The following PRKG1 variants were observed in gnomAD, a reference collection of about 807,000 sequenced individuals.
The protein encoded by PRKG1 is protein kinase cGMP-dependent 1.
In PRKG1, 35 loss-of-function variants were observed where a neutral mutation model predicts 88.1. The observed-to-expected ratio is 0.40, with a 90% CI of 0.30 to 0.53. The LOEUF (loss-of-function observed/expected upper bound fraction) is 0.53. Ranked by LOEUF, PRKG1 falls within the 20% of genes least tolerant of loss-of-function variation. The probability of loss-of-function intolerance (pLI) is 0.59; values close to 1 mark genes in which losing one functional copy is unlikely to be tolerated. For missense variants in PRKG1, 540 were observed against 839.8 expected (o/e 0.64, Z 4.41); for synonymous variants, 303 against 292.5 (o/e 1.04, Z -0.37).
intron 5 of PRKG1, among the ~76,000 whole-genome samples, chr10:52,036,946 C>T (rs1259762713): frequency 6.6e-6 from 1 of 152,260 alleles, no homozygotes; most frequent in African/African-American, 2.4e-5. Flanking sequence ...AGGGGACGGG[C>T]TTACCTTCCA....
intron 4 of PRKG1, among the ~76,000 whole-genome samples, chr10:51,892,145 A>T (rs1008799336): frequency 1.3e-5 from 2 of 152,178 alleles, no homozygotes; most frequent in African/African-American, 2.4e-5. Flanking sequence ...ACGTTAATAG[A>T]TATTCCCGAA....
intron 8 of PRKG1, among the ~76,000 whole-genome samples, chr10:52,146,104 C>T (rs557403369): frequency 1.3e-5 from 2 of 152,234 alleles, no homozygotes; most frequent in Non-Finnish European, 2.9e-5. Context: ...GACAAGAAAC[C>T]CACTTGGGCT....
intron 7 of PRKG1, among the ~76,000 whole-genome samples, chr10:52,114,969 A>T (rs1416801668): frequency 2.0e-5 from 3 of 152,116 alleles, no homozygotes; most frequent in African/African-American, 7.2e-5. Flanking sequence ...CAAATGTCTC[A>T]TATCTGTCCA....
At chr10:51,751,884 G>A (rs776843315) in intron 3 of PRKG1, among the ~76,000 whole-genome samples, 38 of 151,710 alleles carry the variant, frequency 2.5e-4, no homozygotes, top group Non-Finnish European at 5.0e-4. Flanking sequence ...TATTTGTTGC[G>A]TAAAGTAATA....
intron 1 of PRKG1, among the ~76,000 whole-genome samples, chr10:51,079,873 C>T (rs1239836818): frequency 6.6e-6 from 1 of 152,112 alleles, no homozygotes; most frequent in Non-Finnish European, 1.5e-5. Context: ...TTAAAGAAAC[C>T]AAGTTCCAAG....
intron 3 of PRKG1, among the ~76,000 whole-genome samples, chr10:51,489,802 G>GA (rs1840658513): frequency 1.3e-5 from 2 of 152,062 alleles, no homozygotes; most frequent in Admixed American, 1.3e-4. Context: ...TAATTCAGGT[G>GA]AAAATAATAG....
chr10:51,718,663 C>T (rs957775802), intron 3 of PRKG1, among the ~76,000 whole-genome samples: 3 of 152,088 alleles, frequency 2.0e-5, no homozygotes, highest in Non-Finnish European at 4.4e-5. Context: ...ATCTTTCTTA[C>T]AGATAAACTC....
At chr10:51,665,834 G>A (rs940760911) in intron 3 of PRKG1, among the ~76,000 whole-genome samples, 2 of 151,852 alleles carry the variant, frequency 1.3e-5, no homozygotes, top group African/African-American at 2.4e-5. Context: ...CGACCTCAAC[G>A]GATTTTTATT....
intron 5 of PRKG1, among the ~76,000 whole-genome samples, chr10:52,029,495 T>G (rs1490452189): frequency 1.3e-5 from 2 of 152,194 alleles, no homozygotes; most frequent in Admixed American, 1.3e-4. Flanking sequence ...GAGATGTCCC[T>G]TTAAGAGGTG....
At chr10:51,639,627 A>G (rs1276666629) in intron 3 of PRKG1, among the ~76,000 whole-genome samples, 1 of 151,358 alleles carries the variant, frequency 6.6e-6, no homozygotes, top group Non-Finnish European at 1.5e-5. Flanking sequence ...AAGAATAAAT[A>G]AATTACTTGT....
intron 3 of PRKG1, among the ~76,000 whole-genome samples, chr10:51,755,163 A>C (rs55981767): frequency 0.38 from 58,156 of 151,896 alleles, 11,801 homozygotes; most frequent in Middle Eastern, 0.54. Context: ...GATCATTCTG[A>C]CTCTGAAATT....
At chr10:52,101,149 T>A (rs1847284210) in intron 7 of PRKG1, among the ~76,000 whole-genome samples, 1 of 152,138 alleles carries the variant, frequency 6.6e-6, no homozygotes, top group African/African-American at 2.4e-5. Context: ...TTATAATACT[T>A]CTGAAAAAAA....
intron 3 of PRKG1, among the ~76,000 whole-genome samples, chr10:51,769,219 G>A (rs912358111): frequency 6.6e-6 from 1 of 152,130 alleles, no homozygotes; most frequent in African/African-American, 2.4e-5. Context: ...CTTGAAATCG[G>A]CGTCAGAGTG....
chr10:52,259,387 G>T lies in PRKG1; in HGVS notation c.1173+7721G>T, dbSNP rs75553839. ...ATTCCTTCCATGAGAGGGAAAAATA[G>T]TCCCTTTGTATGTCTTAATTATGTA... On this transcript the variant is annotated intron_variant, in intron 10 of 17. Coordinates refer to ENST00000373980, the MANE Select transcript of PRKG1 (RefSeq NM_006258.4). Among the ~76,000 whole-genome samples the T allele has an allele frequency of 4.0e-3, 615 of 152,034 alleles. 5 individuals carry two copies. Among genetic ancestry groups the T allele is most frequent in the East Asian group, 0.04 (207 of 5,152 alleles).
chr10:51,205,326 G>A (rs1480787418), intron 2 of PRKG1, among the ~76,000 whole-genome samples: 1 of 149,874 alleles, frequency 6.7e-6, no homozygotes, highest in Non-Finnish European at 1.5e-5. Context: ...TTTGTGAGAT[G>A]GGGTTTCACC....
chr10:51,184,770 G>T (rs1195972487), intron 2 of PRKG1, among the ~76,000 whole-genome samples: 1 of 152,070 alleles, frequency 6.6e-6, no homozygotes, highest in African/African-American at 2.4e-5. Flanking sequence ...TTTAATTTGT[G>T]CAACTCTTCG....
At chr10:52,246,792 C>T (rs569772154) in intron 9 of PRKG1, among the ~76,000 whole-genome samples, 10 of 143,402 alleles carry the variant, frequency 7.0e-5, no homozygotes, top group South Asian at 2.3e-4. Context: ...AGGAGAATCA[C>T]TTGAATCCTG....
intron 5 of PRKG1, among the ~76,000 whole-genome samples, chr10:51,978,394 G>T (rs541423873): frequency 2.0e-5 from 3 of 148,444 alleles, no homozygotes; most frequent in Non-Finnish European, 4.4e-5. Flanking sequence ...GATGCTTCCA[G>T]CTTTGTTCTA....
chr10:51,985,662 T>C (rs1844136063), intron 5 of PRKG1, among the ~76,000 whole-genome samples: 1 of 152,234 alleles, frequency 6.6e-6, no homozygotes, highest in Non-Finnish European at 1.5e-5. Flanking sequence ...CCACTTGTTT[T>C]CTATTTGTAG....
Sources: gnomAD v4.1 joint callset for allele counts (sites outside exome capture counted in the v4.1 genomes callset) on GRCh38, gnomAD v4.1.1 for gene constraint, MANE v1.5 for transcripts, NCBI Gene and HGNC (gene_info 2026-07-23, HGNC 2026-07-21) for gene names.